Variants in ZFYVE16 observed in about 807,000 individuals in gnomAD.
The protein encoded by ZFYVE16 is zinc finger FYVE-type containing 16.
In ZFYVE16, 89 loss-of-function variants were observed where a neutral mutation model predicts 138.1. That is an observed-to-expected ratio of 0.64 (90% CI 0.54 to 0.77). The LOEUF (loss-of-function observed/expected upper bound fraction) is 0.77. ZFYVE16 is among the 30% of genes least tolerant of loss of function. ZFYVE16 has a pLI of 0.00. For missense variants in ZFYVE16, 1,793 were observed against 1,786.7 expected (o/e 1.00, Z -0.06); for synonymous variants, 596 against 618.3 (o/e 0.96, Z 0.53).
Position 80,451,635 on chromosome 5 carries a change from T to C in ZFYVE16, c.3533T>C (p.Ile1178Thr), listed in dbSNP as rs1561302873. The C allele has an allele frequency of 6.2e-7, 1 of 1,613,940 alleles. No homozygotes were observed. The highest frequency in any genetic ancestry group is 2.2e-5 in the East Asian group (1 of 44,800). The change falls in exon 11 of 19, where the codon ATC (isoleucine) becomes ACC (threonine). Residue 1178 changes from isoleucine to threonine, a missense_variant. Physicochemically the swap from Ile to Thr is moderately conservative, Grantham distance 89. Transcript: ENST00000505560. The part of the protein sequence containing the change: ...PSNPFLCGIL[I>T]QKLEIPWAKV... Reference sequence around the variant, plus strand: ...AATCCTTTTCTTTGTGGAATTCTTATCCAGAAGCTTGAGATTCCCTGGGCA... The same window carrying C: ...AATCCTTTTCTTTGTGGAATTCTTACCCAGAAGCTTGAGATTCCCTGGGCA...
intron 15 of ZFYVE16, among the ~76,000 whole-genome samples, chr5:80,471,325 T>A (rs1580365287): frequency 6.6e-6 from 1 of 152,222 alleles, no homozygotes; most frequent in African/African-American, 2.4e-5. Context: ...CTGATTAATA[T>A]CTTGCTAATC....
chr5:80,448,903 A>G (rs906467811), intron 8 of ZFYVE16, among the ~76,000 whole-genome samples: 3 of 152,066 alleles, frequency 2.0e-5, no homozygotes, highest in African/African-American at 7.2e-5. Flanking sequence ...TTCTATGGCT[A>G]ACCCCCACCC....
At chr5:80,447,613 T>TC (rs1287449160) in intron 7 of ZFYVE16, among the ~76,000 whole-genome samples, 1 of 152,140 alleles carries the variant, frequency 6.6e-6, no homozygotes, top group Admixed American at 6.5e-5. Context: ...TCCTAACCAC[T>TC]CCCCTCCCCT....
intron 2 of ZFYVE16, among the ~76,000 whole-genome samples, chr5:80,432,828 A>C (rs1749276237): frequency 6.6e-6 from 1 of 152,224 alleles, no homozygotes; most frequent in African/African-American, 2.4e-5. Context: ...GCAGCCAAAA[A>C]ACACATGAAA....
intron 1 of ZFYVE16, among the ~76,000 whole-genome samples, chr5:80,424,167 G>A (rs935741036): frequency 2.0e-5 from 3 of 151,838 alleles, no homozygotes; most frequent in African/African-American, 4.8e-5. Context: ...GGCTAGTCTC[G>A]AACTCCTGAC....
At chr5:80,473,272 A>G (rs1754564661) in intron 16 of ZFYVE16, among the ~76,000 whole-genome samples, 1 of 152,170 alleles carries the variant, frequency 6.6e-6, no homozygotes, top group Admixed American at 6.5e-5. Flanking sequence ...TTTGGATGAT[A>G]TATACTGTAT....
intron 1 of ZFYVE16, among the ~76,000 whole-genome samples, chr5:80,409,513 C>T (rs1163869020): frequency 6.6e-6 from 1 of 152,150 alleles, no homozygotes; most frequent in Non-Finnish European, 1.5e-5. Flanking sequence ...ATTTAAAAAT[C>T]ACAGACTCAT....
intron 5 of ZFYVE16, chr5:80,440,617 AATT>A: frequency 1.0e-6 from 1 of 977,468 alleles, no homozygotes; most frequent in East Asian, 1.2e-4. Flanking sequence ...AATTAGCTAC[AATT>A]ATTAGCAATA....
chr5:80,451,813 CTTTTG>C, intron 11 of ZFYVE16, 104 bp downstream of exon 11: 7 of 1,157,128 alleles, frequency 6.0e-6, no homozygotes, highest in Non-Finnish European at 8.5e-6. Context: ...AATGGAACTA[CTTTTG>C]TTTTGCTATG....
In ZFYVE16 at chr5:80,457,923, G is replaced by A. The variant is rs984089015; in HGVS notation, c.3943+831G>A. ...CGCCTGTAGTCCCAGCTACTTGGGA[G>A]GCTGAGGCGGGAGAATGGCGTGAAC... On this transcript the variant is annotated intron_variant, in intron 14 of 18. Transcript: ENST00000505560. 3.3e-5 allele frequency among the ~76,000 whole-genome samples: 5 copies of A among 151,920 alleles called. No homozygotes were observed. The East Asian group carries it at 7.8e-4, about 24-fold the overall frequency.
chr5:80,409,424 T>C (rs2112108967), intron 1 of ZFYVE16, among the ~76,000 whole-genome samples: 1 of 152,342 alleles, frequency 6.6e-6, no homozygotes, highest in Admixed American at 6.5e-5. Context: ...TGAGGACCAA[T>C]AGAGTTTTTG....
At chr5:80,445,058 C>A (rs1412425871) in intron 6 of ZFYVE16, among the ~76,000 whole-genome samples, 1 of 152,108 alleles carries the variant, frequency 6.6e-6, no homozygotes, top group Admixed American at 6.6e-5. Flanking sequence ...CACTCCTGCT[C>A]CCTTTGTACG....
intron 11 of ZFYVE16, 29 bp downstream of exon 11, chr5:80,451,738 C>A: frequency 6.4e-7 from 1 of 1,561,276 alleles, no homozygotes; most frequent in Non-Finnish European, 8.8e-7. Context: ...AGTTAAATTG[C>A]ATATTTTCAA....
chr5:80,417,868 A>G (rs2112185959), intron 1 of ZFYVE16, among the ~76,000 whole-genome samples: 1 of 152,328 alleles, frequency 6.6e-6, no homozygotes, highest in Middle Eastern at 3.4e-3. Flanking sequence ...ATTATATGGT[A>G]GTAGTAAGTT....
intron 1 of ZFYVE16, among the ~76,000 whole-genome samples, chr5:80,426,272 G>GTGTGTATATATA (rs1370196862): frequency 8.5e-3 from 223 of 26,380 alleles, no homozygotes; most frequent in African/African-American, 0.012. Context: ...GTGTGTGTGT[G>GTGTGTATATATA]TATATATATA....
At chr5:80,454,221 T>C (rs1343649349) in intron 11 of ZFYVE16, 1 of 152,226 alleles carries the variant, frequency 6.6e-6, no homozygotes, top group East Asian at 1.9e-4. Flanking sequence ...TATGTGGTGT[T>C]TCTTTAGAAT....
At chr5:80,476,863 A>G (rs904620775) in intron 18 of ZFYVE16, among the ~76,000 whole-genome samples, 2 of 152,216 alleles carry the variant, frequency 1.3e-5, no homozygotes, top group Non-Finnish European at 2.9e-5. Context: ...TATTGCAACA[A>G]CAAATTTGAA....
At chr5:80,441,719 A>G (rs1054392777) in intron 5 of ZFYVE16, 4 of 985,452 alleles carry the variant, frequency 4.1e-6, no homozygotes, top group Non-Finnish European at 4.8e-6. Flanking sequence ...GAGGCAAGTT[A>G]GAAATTACTT....
chr5:80,451,526 A>G lies in ZFYVE16; in HGVS notation c.3424A>G (p.Ser1142Gly), dbSNP rs765960937. Residue 1142 changes from serine to glycine, a missense_variant, in exon 11 of 19, where the codon AGT (serine) becomes GGT (glycine). This residue lies in a region of ZFYVE16 where 498 missense variants were observed against 582.4 expected (regional missense o/e 0.86). Coordinates refer to ENST00000505560, the MANE Select transcript of ZFYVE16 (RefSeq NM_001284236.3). Reference sequence around the variant, plus strand: ...CTTGGACAATATTACCTTTACTGAGAGTTTTCTCAGTAGCAAGGATCACGG... The same window carrying G: ...CTTGGACAATATTACCTTTACTGAGGGTTTTCTCAGTAGCAAGGATCACGG... ...ENLDNITFTE[S>G]FLSSKDHGGF... 1.0e-4 allele frequency: 164 copies of G among 1,613,442 alleles called. No individual in the cohort carries two copies. The highest frequency in any genetic ancestry group is 1.3e-4 in the Non-Finnish European group (158 of 1,179,854).
Sources: allele counts gnomAD v4.1 joint callset (sites outside exome capture counted in the v4.1 genomes callset), GRCh38; gene constraint gnomAD v4.1.1; regional missense constraint gnomAD v4.1.1; transcripts MANE v1.5; gene names NCBI Gene and HGNC (gene_info 2026-07-23, HGNC 2026-07-21).